The following SLC24A2 variants were observed in gnomAD, a reference collection of about 807,000 sequenced individuals.
SLC24A2 encodes solute carrier family 24 member 2, also known as sodium/potassium/calcium exchanger 2.
SLC24A2 carries 36 observed loss-of-function variants against 62.0 expected under a neutral mutation model. The ratio of observed to expected loss-of-function variants is 0.58; its 90% confidence interval spans 0.44 to 0.77. SLC24A2 has a LOEUF of 0.77. SLC24A2 is among the 30% of genes least tolerant of loss of function. SLC24A2 has a pLI of 0.00. For missense variants in SLC24A2, 846 were observed against 817.9 expected (o/e 1.03, Z -0.42); for synonymous variants, 358 against 294.0 (o/e 1.22, Z -2.23).
intron 5 of SLC24A2, among the ~76,000 whole-genome samples, chr9:19,593,121 A>C (rs1469277050): frequency 6.6e-6 from 1 of 152,252 alleles, no homozygotes; most frequent in Non-Finnish European, 1.5e-5. Flanking sequence ...ATCGCCTGCC[A>C]GGCACAGTGC....
intron 2 of SLC24A2, among the ~76,000 whole-genome samples, chr9:19,648,125 ATTAGT>A (rs1480142688): frequency 2.6e-5 from 4 of 152,224 alleles, no homozygotes; most frequent in African/African-American, 9.6e-5. Flanking sequence ...GTGGGCAATC[ATTAGT>A]TTACGCAATA....
chr9:20,260,348 T>A, the SLC24A2 span, among the ~76,000 whole-genome samples: 1 of 152,224 alleles, frequency 6.6e-6, no homozygotes, highest in East Asian at 1.9e-4. Flanking sequence ...CAGTCTCAGG[T>A]ATTCTGATAC....
chr9:20,136,959 A>G, the SLC24A2 span, among the ~76,000 whole-genome samples: 1 of 152,176 alleles, frequency 6.6e-6, no homozygotes, highest in African/African-American at 2.4e-5. Flanking sequence ...ATGACTAGCA[A>G]AAAGGGTGTG....
chr9:19,525,418 TTA>T (rs1491056233), intron 9 of SLC24A2, among the ~76,000 whole-genome samples: 16 of 98,966 alleles, frequency 1.6e-4, no homozygotes, highest in African/African-American at 7.0e-4. Flanking sequence ...TTTTTTTTTT[TTA>T]AAAGACAGGG....
At chr9:20,192,889 G>A in the SLC24A2 span, among the ~76,000 whole-genome samples, 1 of 152,012 alleles carries the variant, frequency 6.6e-6, no homozygotes, top group South Asian at 2.1e-4. Context: ...TTAATCTCCA[G>A]CTAATTTGAT....
chr9:20,206,884 G>GC, the SLC24A2 span, among the ~76,000 whole-genome samples: 3 of 149,202 alleles, frequency 2.0e-5, no homozygotes, highest in African/African-American at 5.1e-5. Flanking sequence ...ACTAAGTTGG[G>GC]GGGGGCGGTT....
At chr9:19,698,860 C>T (rs1025339627) in intron 2 of SLC24A2, among the ~76,000 whole-genome samples, 42 of 152,158 alleles carry the variant, frequency 2.8e-4, no homozygotes, top group African/African-American at 1.0e-3. Flanking sequence ...ACTTTGCTCA[C>T]AAAGTATGGC....
At chr9:20,113,132 G>C in the SLC24A2 span, among the ~76,000 whole-genome samples, 1 of 152,094 alleles carries the variant, frequency 6.6e-6, no homozygotes, top group Admixed American at 6.6e-5. Flanking sequence ...TCTTTTTGCT[G>C]ATCTTTGGCC....
At chr9:19,770,192 T>G (rs572979389) in intron 2 of SLC24A2, among the ~76,000 whole-genome samples, 1 of 151,946 alleles carries the variant, frequency 6.6e-6, no homozygotes, top group Non-Finnish European at 1.5e-5. Flanking sequence ...AGTTGCTGTA[T>G]GACTAAGTGC....
chr9:19,660,733 T>G (rs983150752), intron 2 of SLC24A2, among the ~76,000 whole-genome samples: 8 of 152,186 alleles, frequency 5.3e-5, no homozygotes, highest in African/African-American at 1.7e-4. Context: ...TTTCCTCTTA[T>G]GAAAGGAAAG....
At chr9:19,685,737 G>C (rs1819862132) in intron 2 of SLC24A2, among the ~76,000 whole-genome samples, 1 of 152,036 alleles carries the variant, frequency 6.6e-6, no homozygotes, top group Admixed American at 6.6e-5. Context: ...GACTGAAACT[G>C]GGTCCCTTCC....
chr9:19,541,561 G>A (rs369925380), intron 8 of SLC24A2, among the ~76,000 whole-genome samples: 53 of 147,398 alleles, frequency 3.6e-4, no homozygotes, highest in East Asian at 2.0e-3. Flanking sequence ...CAGTCTGCCC[G>A]TTCTCAGATC....
At chr9:19,716,614 C>T (rs1820868107) in intron 2 of SLC24A2, among the ~76,000 whole-genome samples, 1 of 152,138 alleles carries the variant, frequency 6.6e-6, no homozygotes, top group Non-Finnish European at 1.5e-5. Flanking sequence ...TGCCTTTAGG[C>T]CAATCATATC....
the SLC24A2 span, among the ~76,000 whole-genome samples, chr9:20,237,858 C>T: frequency 6.6e-6 from 1 of 152,140 alleles, no homozygotes; most frequent in Non-Finnish European, 1.5e-5. Context: ...GAAGTAGTCT[C>T]CTCATTTCCC....
the SLC24A2 span, among the ~76,000 whole-genome samples, chr9:20,109,499 A>G: frequency 1.3e-5 from 2 of 152,194 alleles, no homozygotes; most frequent in African/African-American, 2.4e-5. Flanking sequence ...TATGCTAAGT[A>G]GAGAGTGTGT....
At chr9:20,088,576 G>A in the SLC24A2 span, among the ~76,000 whole-genome samples, 1 of 152,188 alleles carries the variant, frequency 6.6e-6, no homozygotes, top group Non-Finnish European at 1.5e-5. Flanking sequence ...GTTCCCAAAG[G>A]GGAGAATGGG....
chr9:20,008,973 G>T, the SLC24A2 span, among the ~76,000 whole-genome samples: 1 of 152,266 alleles, frequency 6.6e-6, no homozygotes, highest in East Asian at 1.9e-4. Context: ...CAGGAGTGAG[G>T]CTGAGACACC....
At chr9:19,990,396 G>C in the SLC24A2 span, among the ~76,000 whole-genome samples, 1 of 151,966 alleles carries the variant, frequency 6.6e-6, no homozygotes, top group Non-Finnish European at 1.5e-5. Context: ...TGGATCACGA[G>C]GTCAAGAGTT....
chr9:20,206,759 G>A, the SLC24A2 span, among the ~76,000 whole-genome samples: 3 of 151,984 alleles, frequency 2.0e-5, no homozygotes, highest in Non-Finnish European at 4.4e-5. Flanking sequence ...GATTACAGGC[G>A]TGAGCCACTT....
Sources: gnomAD v4.1 joint callset for allele counts (sites outside exome capture counted in the v4.1 genomes callset) on GRCh38, gnomAD v4.1.1 for gene constraint, MANE v1.5 for transcripts, NCBI Gene and HGNC (gene_info 2026-07-23, HGNC 2026-07-21) for gene names.